The following SLC71A2 variants were observed in gnomAD, a reference collection of about 807,000 sequenced individuals.
SLC71A2 encodes the protein hippocampus abundant transcript-like 1.
the SLC71A2 span, among the ~76,000 whole-genome samples, chr9:94,401,320 C>T: frequency 4.6e-5 from 7 of 151,990 alleles, no homozygotes; most frequent in Non-Finnish European, 7.4e-5. Flanking sequence ...TACAGGCGTC[C>T]GCCACCACAA....
chr9:94,447,005 T>C, the SLC71A2 span: 5 of 837,950 alleles, frequency 6.0e-6, no homozygotes, highest in South Asian at 1.5e-5. Flanking sequence ...TCTAAAGATA[T>C]TTTGAGGAAA....
At chr9:94,440,731 C>T in the SLC71A2 span, among the ~76,000 whole-genome samples, 1 of 152,076 alleles carries the variant, frequency 6.6e-6, no homozygotes, top group African/African-American at 2.4e-5. Flanking sequence ...ACCTAATCCC[C>T]TTATTCTTTG....
the SLC71A2 span, among the ~76,000 whole-genome samples, chr9:94,437,316 C>A: frequency 7.2e-6 from 1 of 139,576 alleles, no homozygotes; most frequent in Admixed American, 7.4e-5. Flanking sequence ...TTTCATTATT[C>A]ATCAGCATTT....
the SLC71A2 span, among the ~76,000 whole-genome samples, chr9:94,389,816 C>T: frequency 1.3e-5 from 2 of 151,916 alleles, no homozygotes; most frequent in Admixed American, 6.6e-5. Flanking sequence ...CTATGTTGCC[C>T]AGGCTAGTCT....
the SLC71A2 span, among the ~76,000 whole-genome samples, chr9:94,431,896 G>T: frequency 7.2e-5 from 11 of 152,250 alleles, no homozygotes; most frequent in South Asian, 2.3e-3. Flanking sequence ...CCAGCTTCAG[G>T]AGGCCAACCC....
At chr9:94,459,573 T>A in the SLC71A2 span, 4 of 41,876 alleles carry the variant, frequency 9.6e-5, no homozygotes, top group African/African-American at 0.011. Flanking sequence ...CCTCCTCCTG[T>A]TTTTTTTTTT....
At chr9:94,456,439 C>A in the SLC71A2 span, 2 of 821,612 alleles carry the variant, frequency 2.4e-6, no homozygotes, top group South Asian at 1.4e-5. Flanking sequence ...CAGGAGCCGA[C>A]AGCCATATGG....
chr9:94,395,788 C>T, the SLC71A2 span, among the ~76,000 whole-genome samples: 1 of 152,282 alleles, frequency 6.6e-6, no homozygotes, highest in South Asian at 2.1e-4. Context: ...AGATTCATCT[C>T]CGGACCTAGT....
At chr9:94,438,132 T>A in the SLC71A2 span, among the ~76,000 whole-genome samples, 64 of 152,108 alleles carry the variant, frequency 4.2e-4, no homozygotes, top group African/African-American at 1.3e-3. Flanking sequence ...GAGACGAGGT[T>A]TCACCATGTT....
the SLC71A2 span, among the ~76,000 whole-genome samples, chr9:94,452,632 T>C: frequency 8.3e-5 from 8 of 96,060 alleles, no homozygotes; most frequent in Admixed American, 7.9e-4. Flanking sequence ...TATATATATA[T>C]TTTCATATAT....
the SLC71A2 span, among the ~76,000 whole-genome samples, chr9:94,390,024 C>T: frequency 7.2e-5 from 11 of 152,122 alleles, no homozygotes; most frequent in Non-Finnish European, 1.2e-4. Context: ...ACCATCCTGG[C>T]TAACACAGTG....
chr9:94,456,180 C>T, the SLC71A2 span: 14 of 1,177,178 alleles, frequency 1.2e-5, no homozygotes, highest in East Asian at 7.3e-5. Context: ...GATTGCATTC[C>T]GAATAGTGAG....
the SLC71A2 span, among the ~76,000 whole-genome samples, chr9:94,388,581 A>G: frequency 2.0e-5 from 3 of 152,190 alleles, no homozygotes; most frequent in South Asian, 2.1e-4. Context: ...TGAAATGACT[A>G]TATGCCTATT....
chr9:94,456,246 G>A, the SLC71A2 span: 2 of 1,613,318 alleles, frequency 1.2e-6, no homozygotes, highest in East Asian at 2.2e-5. Flanking sequence ...GCAGGATGAT[G>A]TGGGCAGCAG....
At chr9:94,435,247 G>A in the SLC71A2 span, among the ~76,000 whole-genome samples, 1 of 152,242 alleles carries the variant, frequency 6.6e-6, no homozygotes, top group African/African-American at 2.4e-5. Flanking sequence ...CCTTAACTGT[G>A]TCACTAAATA....
chr9:94,404,084 A>G, the SLC71A2 span, among the ~76,000 whole-genome samples: 3 of 152,166 alleles, frequency 2.0e-5, no homozygotes, highest in African/African-American at 7.2e-5. Flanking sequence ...TGTCCACCCC[A>G]GATGCTAATA....
chr9:94,446,292 T>C, the SLC71A2 span, among the ~76,000 whole-genome samples: 2 of 152,210 alleles, frequency 1.3e-5, no homozygotes, highest in Non-Finnish European at 1.5e-5. Context: ...GTAAGAAGGA[T>C]TTTTCAACAA....
the SLC71A2 span, among the ~76,000 whole-genome samples, chr9:94,396,386 G>A: frequency 1.8e-4 from 27 of 152,240 alleles, no homozygotes; most frequent in African/African-American, 5.5e-4. Flanking sequence ...GTGGTGGCAC[G>A]CACCTGTAGT....
the SLC71A2 span, among the ~76,000 whole-genome samples, chr9:94,407,291 A>T: frequency 2.6e-5 from 4 of 151,908 alleles, no homozygotes; most frequent in African/African-American, 9.7e-5. Context: ...ACCATAATAA[A>T]CTGCTTAATA....
Sources: gnomAD v4.1 joint callset for allele counts (sites outside exome capture counted in the v4.1 genomes callset) on GRCh38, gnomAD v4.1.1 for gene constraint, MANE v1.5 for transcripts, NCBI Gene and HGNC (gene_info 2026-07-23, HGNC 2026-07-21) for gene names.